Variants in PCBP2 observed in about 807,000 individuals in gnomAD.
The protein encoded by PCBP2 is poly(rC) binding protein 2.
Under a neutral mutation model 50.1 loss-of-function variants are expected in PCBP2, and 4 were observed. That is an observed-to-expected ratio of 0.08 (90% CI 0.04 to 0.18). The LOEUF is 0.18. PCBP2 is among the 10% of genes least tolerant of loss of function. PCBP2 has a pLI of 1.00. For synonymous variants in PCBP2, 179 were observed against 168.0 expected (o/e 1.07, Z -0.51); for missense variants, 161 against 474.3 (o/e 0.34, Z 6.14).
rs1387922876 is a variant in PCBP2, at chr12:53,471,551, C to T, written c.883-87C>T. On this transcript the variant is annotated intron_variant, in intron 13 of 14. Transcript: ENST00000546463. ...CACTGCACTCCAGCCTGGCCACAGT[C>T]GTAGGATTTGGGGTGGGGGGGTGGG... 1.1e-5 allele frequency: 14 copies of T among 1,238,870 alleles called. No individual in the cohort carries two copies. In the East Asian group the frequency reaches 1.4e-4, roughly 12 times the overall value. 76.7% of individuals were successfully genotyped at this position (1,238,870 alleles called of 1,614,324 possible).
chr12:53,472,723 C>CCTAAGTATGTAGCA (rs1250014041), intron 14 of PCBP2, among the ~76,000 whole-genome samples: 14 of 152,256 alleles, frequency 9.2e-5, no homozygotes, highest in African/African-American at 2.9e-4. Context: ...AGTATGTGGT[C>CCTAAGTATGTAGCA]TGTATTGTGC....
At chr12:53,478,187 G>A (rs768262796) in intron 14 of PCBP2, among the ~76,000 whole-genome samples, 9 of 152,140 alleles carry the variant, frequency 5.9e-5, no homozygotes, top group Non-Finnish European at 1.2e-4. Context: ...TATTTTGTCT[G>A]CTACTTTTAA....
rs534994889 is a variant in PCBP2, at chr12:53,479,479, TCAC to T, written c.*45_*47del. 4.5e-4 allele frequency: 706 copies of T among 1,575,028 alleles called. No individual in the cohort carries two copies. The highest frequency in any genetic ancestry group is 6.7e-4 in the Admixed American group (40 of 59,948). On this transcript the variant is annotated 3_prime_UTR_variant, in exon 15 of 15. Transcript: ENST00000546463. ...TTCATCCATAATCCCTTTCTGCTGT[TCAC>T]CACCACCCATGATCCATCTGTGTAG...
chr12:53,473,553 A>G (rs1485750123), intron 14 of PCBP2, among the ~76,000 whole-genome samples: 2 of 152,198 alleles, frequency 1.3e-5, no homozygotes, highest in South Asian at 2.1e-4. Context: ...AGCTCCTGCA[A>G]TAGGTCAGTG....
chr12:53,474,508 A>G (rs1417351687), intron 14 of PCBP2, among the ~76,000 whole-genome samples: 1 of 150,784 alleles, frequency 6.6e-6, no homozygotes, highest in Non-Finnish European at 1.5e-5. Context: ...TAGAGGAAAC[A>G]TTTCTTCCTT....
At chr12:53,469,714 C>A (rs573788557) in intron 13 of PCBP2, among the ~76,000 whole-genome samples, 1 of 149,310 alleles carries the variant, frequency 6.7e-6, no homozygotes, top group African/African-American at 2.5e-5. Flanking sequence ...GCAACAAGAG[C>A]GAAACTCCAT....
At chr12:53,466,087 T>C in intron 10 of PCBP2, 114 bp downstream of exon 10, 1 of 860,718 alleles carries the variant, frequency 1.2e-6, no homozygotes, top group Non-Finnish European at 2.0e-6. Context: ...TTTGCAGTAT[T>C]AAGTTGTTTT....
chr12:53,474,580 T>TA (rs1352687304), intron 14 of PCBP2, among the ~76,000 whole-genome samples: 5 of 152,188 alleles, frequency 3.3e-5, no homozygotes, highest in African/African-American at 1.2e-4. Context: ...CTGGGTTGGG[T>TA]CAGTGTGTCA....
chr12:53,454,765 C>T lies in PCBP2; in HGVS notation c.-36C>T. 1 of 1,584,468 alleles carries T rather than the reference C, an allele frequency of 6.3e-7. No individual in the cohort carries two copies. The highest frequency in any genetic ancestry group is 8.7e-7 in the Non-Finnish European group (1 of 1,153,148). On this transcript the variant is annotated 5_prime_UTR_variant, in exon 2 of 15. Transcript: ENST00000546463. ...CCCCAACCAGTGACCAAAGACTTGA[C>T]CACTCAAAGTCCAGCTCCCCAGAAC...
chr12:53,467,099 T>A, intron 10 of PCBP2, 122 bp from the exon 11 acceptor site: 1 of 682,272 alleles, frequency 1.5e-6, no homozygotes, highest in Non-Finnish European at 2.6e-6. Context: ...CCCTACCCTC[T>A]GTTGTAGTTT....
At position 53,477,994 on chromosome 12, in the gene PCBP2, C is replaced by T. The variant is rs531350593; in HGVS notation, c.1053-1412C>T. Among the ~76,000 whole-genome samples, 29 of 152,286 alleles carry T rather than the reference C, an allele frequency of 1.9e-4. No individual in the cohort carries two copies. In the South Asian group the frequency reaches 6.0e-3, roughly 32 times the overall value. ...AGGGCAAAGTCTTGCTGCCTACCTACCTACCAGTGAAGCATACTGAGTACT... is the reference window on the plus strand; with the variant it reads ...AGGGCAAAGTCTTGCTGCCTACCTATCTACCAGTGAAGCATACTGAGTACT... On this transcript the variant is annotated intron_variant, in intron 14 of 14. Coordinates refer to ENST00000546463, the MANE Select transcript of PCBP2 (RefSeq NM_031989.5).
intron 14 of PCBP2, among the ~76,000 whole-genome samples, chr12:53,472,896 C>G (rs1942335507): frequency 2.0e-5 from 3 of 152,114 alleles, no homozygotes; most frequent in Admixed American, 1.3e-4. Flanking sequence ...TTCTTGTCCA[C>G]CCACCAAGCA....
At chr12:53,452,810 C>G (rs995132220) in intron 1 of PCBP2, 4 of 152,086 alleles carry the variant, frequency 2.6e-5, no homozygotes, top group Admixed American at 1.3e-4. Context: ...AGCGCCCCCC[C>G]CCGACCGAAC....
chr12:53,452,285 T>C lies in PCBP2; in HGVS notation c.-167T>C, dbSNP rs1940584459. ...GCCCGCCCGCGGGGCCCCCCTCGCC[T>C]TCCCGCCCGCCCCTATTGTTCCGCC... On this transcript the variant is annotated 5_prime_UTR_variant, in exon 1 of 15. Coordinates refer to ENST00000546463, the MANE Select transcript of PCBP2 (RefSeq NM_031989.5). The C allele has an allele frequency of 9.8e-6, 1 of 102,370 alleles. No individual in the cohort carries two copies. The highest frequency in any genetic ancestry group is 3.7e-5 in the African/African-American group (1 of 27,062). 6.3% of individuals were successfully genotyped at this position (102,370 alleles called of 1,614,324 possible).
Position 53,468,778 on chromosome 12 carries a change from A to C in PCBP2, c.828A>C (p.Ala276=). ...TGCTTGCTCTCTTCTGTCTTTTAGC[A>C]GGTTTGGATGCATCTGCTCAGACTA... ...SSSPEVKGYW[A]GLDASAQTTS... Residue 276 remains alanine, a splice_region_variant and synonymous_variant, in exon 13 of 15, where the codon GCA becomes GCC. Coordinates refer to ENST00000546463, the MANE Select transcript of PCBP2 (RefSeq NM_031989.5). 6.2e-7 allele frequency: 1 copy of C among 1,612,590 alleles called. No individual in the cohort carries two copies.
intron 14 of PCBP2, chr12:53,475,426 C>G (rs549282094): frequency 3.2e-6 from 1 of 312,218 alleles, no homozygotes; most frequent in Non-Finnish European, 6.3e-6. Flanking sequence ...GACTTGAATT[C>G]TTTATCTAGA....
intron 5 of PCBP2, among the ~76,000 whole-genome samples, chr12:53,456,435 G>A (rs1370135121): frequency 6.6e-6 from 1 of 151,498 alleles, no homozygotes; most frequent in African/African-American, 2.4e-5. Flanking sequence ...TCCAGCCTGG[G>A]CAACAGAGTG....
chr12:53,458,870 C>T (rs1450263302), intron 5 of PCBP2, among the ~76,000 whole-genome samples: 1 of 152,068 alleles, frequency 6.6e-6, no homozygotes, highest in African/African-American at 2.4e-5. Flanking sequence ...AACTCCCTGA[C>T]CTGAAATGAT....
At chr12:53,460,165 CAG>C (rs1047991421) in intron 6 of PCBP2, 4 of 211,430 alleles carry the variant, frequency 1.9e-5, no homozygotes, top group South Asian at 5.1e-5. Context: ...TTTTTTGAGA[CAG>C]GGTCTCACTC....
Sources: gnomAD v4.1 joint callset for allele counts (sites outside exome capture counted in the v4.1 genomes callset) on GRCh38, gnomAD v4.1.1 for gene constraint, MANE v1.5 for transcripts, NCBI Gene and HGNC (gene_info 2026-07-23, HGNC 2026-07-21) for gene names.